Variants in PCDHA9 observed in about 807,000 individuals in gnomAD.
PCDHA9 encodes the protein protocadherin alpha-9.
A neutral mutation model predicts 62.0 loss-of-function variants in PCDHA9; 62 were observed. The observed-to-expected ratio is 1.00, with a 90% CI of 0.81 to 1.23. The LOEUF (loss-of-function observed/expected upper bound fraction) is 1.23. Among genes scored for constraint, PCDHA9 ranks in the 50% most tolerant of loss-of-function variants. The pLI, the probability that PCDHA9 is intolerant of heterozygous loss-of-function variation, is 0.00. For synonymous variants in PCDHA9, 557 were observed against 567.6 expected (o/e 0.98, Z 0.27); for missense variants, 1,205 against 1,249.8 (o/e 0.96, Z 0.54).
chr5:140,870,305 A>G lies in PCDHA9; in HGVS notation c.2394+19416A>G, dbSNP rs201733980. 1.4e-4 allele frequency: 226 copies of G among 1,614,156 alleles called. No homozygotes were observed. In the African/African-American group the frequency reaches 2.3e-3, roughly 17 times the overall value. On this transcript the variant is annotated intron_variant, in intron 1 of 3. Transcript: ENST00000532602. ...CCCTTCAAGCTGGTGTCCACCTTCA[A>G]GAATTACTACTCGTTGGTGCTGGAC...
chr5:140,886,552 G>A (rs188986859), intron 1 of PCDHA9, among the ~76,000 whole-genome samples: 132 of 151,712 alleles, frequency 8.7e-4, no homozygotes, highest in Middle Eastern at 3.4e-3. Flanking sequence ...TCCCAGCTGG[G>A]CACGGTGGCT....
At chr5:140,884,066 G>A in intron 1 of PCDHA9, 1 of 1,613,512 alleles carries the variant, frequency 6.2e-7, no homozygotes, top group South Asian at 1.1e-5. Flanking sequence ...GGTGGACGCC[G>A]ATTCGGGCTA....
intron 1 of PCDHA9, among the ~76,000 whole-genome samples, chr5:140,924,926 TAAAATAAAATAAAAA>T (rs1425116753): frequency 8.4e-6 from 1 of 119,430 alleles, no homozygotes; most frequent in Non-Finnish European, 1.8e-5. Flanking sequence ...TAAAATAAAA[TAAAATAAAATAAAAA>T]GTTAAAAAAA....
chr5:140,884,484 T>C, intron 1 of PCDHA9: 2 of 1,613,922 alleles, frequency 1.2e-6, no homozygotes, highest in Non-Finnish European at 1.7e-6. Context: ...AAGCCCACTC[T>C]AGTGTGCTCC....
chr5:140,994,988 A>G (rs781915746), intron 3 of PCDHA9, among the ~76,000 whole-genome samples: 3 of 152,166 alleles, frequency 2.0e-5, no homozygotes, highest in Non-Finnish European at 4.4e-5. Flanking sequence ...ACCCACTAGA[A>G]GGTTAGTTGG....
At chr5:140,946,019 C>T (rs1014072062) in intron 1 of PCDHA9, among the ~76,000 whole-genome samples, 2 of 151,732 alleles carry the variant, frequency 1.3e-5, no homozygotes, top group African/African-American at 2.4e-5. Context: ...TCCTGCGCAG[C>T]AAAGAAAACA....
At chr5:140,931,405 G>C (rs1395168165) in intron 1 of PCDHA9, among the ~76,000 whole-genome samples, 1 of 151,984 alleles carries the variant, frequency 6.6e-6, no homozygotes, top group South Asian at 2.1e-4. Flanking sequence ...CGATAGGAAG[G>C]CTGATGAATC....
At chr5:140,910,619 C>T (rs1554194336) in intron 1 of PCDHA9, among the ~76,000 whole-genome samples, 1 of 152,226 alleles carries the variant, frequency 6.6e-6, no homozygotes, top group Non-Finnish European at 1.5e-5. Context: ...TAATCCACTC[C>T]ACCATCCCAA....
intron 1 of PCDHA9, among the ~76,000 whole-genome samples, chr5:140,941,214 C>CCTTTCTTTCTTCCTTTCTTTCTTTCTTT (rs2092876516): frequency 4.1e-5 from 5 of 122,412 alleles, no homozygotes; most frequent in Non-Finnish European, 8.5e-5. Flanking sequence ...TTTCTTTCTT[C>CCTTTCTTTCTTCCTTTCTTTCTTTCTTT]CTTTCTTTCT....
At chr5:140,875,978 C>T (rs534648937) in intron 1 of PCDHA9, 2 of 1,613,976 alleles carry the variant, frequency 1.2e-6, no homozygotes, top group East Asian at 4.5e-5. Flanking sequence ...TCTCTTTTGA[C>T]CTATGCGTTA....
At position 140,869,552 on chromosome 5, in the gene PCDHA9, C is replaced by T. The variant is rs537127263; in HGVS notation, c.2394+18663C>T. ...ATTGCGGAATCTAAGCAATCGGACTCGCGTTTTCCACTAGAGGGAGCTTCT... is the reference window on the plus strand; with the variant it reads ...ATTGCGGAATCTAAGCAATCGGACTTGCGTTTTCCACTAGAGGGAGCTTCT... On this transcript the variant is annotated intron_variant, in intron 1 of 3. Transcript: ENST00000532602. 4 of 1,614,140 alleles carry T rather than the reference C, an allele frequency of 2.5e-6. No homozygotes were observed. In the East Asian group the frequency reaches 6.7e-5, roughly 27 times the overall value.
intron 1 of PCDHA9, among the ~76,000 whole-genome samples, chr5:140,973,451 G>A (rs1317548382): frequency 2.0e-5 from 3 of 152,172 alleles, no homozygotes; most frequent in African/African-American, 7.2e-5. Context: ...TATAATGACT[G>A]GGGCTGTTTT....
chr5:140,919,306 A>G (rs1407810868), intron 1 of PCDHA9, among the ~76,000 whole-genome samples: 1 of 152,150 alleles, frequency 6.6e-6, no homozygotes. Context: ...TGTACAATAT[A>G]TGTTTTCCCA....
chr5:140,896,406 C>CT (rs35238776), intron 1 of PCDHA9, among the ~76,000 whole-genome samples: 1 of 152,100 alleles, frequency 6.6e-6, no homozygotes, highest in Non-Finnish European at 1.5e-5. Flanking sequence ...TTATTTTTGA[C>CT]TTTTTAGTAA....
chr5:140,877,172 C>T, intron 1 of PCDHA9: 2 of 1,613,816 alleles, frequency 1.2e-6, no homozygotes, highest in Non-Finnish European at 1.7e-6. Flanking sequence ...GCACTGCTGG[C>T]GACTCCGGCT....
At chr5:140,877,594 T>G (rs782719581) in intron 1 of PCDHA9, 110 of 1,613,680 alleles carry the variant, frequency 6.8e-5, no homozygotes, top group Non-Finnish European at 9.3e-5. Context: ...CTGTGCGGTG[T>G]CCAGCCTGCT....
rs1340141507 is a variant in PCDHA9, at chr5:140,939,833, CTTG to C, written c.2395-39108_2395-39106del. 2.6e-5 allele frequency among the ~76,000 whole-genome samples: 4 copies of C among 152,224 alleles called. No individual in the cohort carries two copies. The East Asian group carries it at 7.7e-4, about 29-fold the overall frequency. ...AAGAAAAAGCAGTATTCTGACATTG[CTTG>C]TTGTTGTGTTCTGTATATGTCCATT... On this transcript the variant is annotated intron_variant, in intron 1 of 3. Transcript: ENST00000532602.
chr5:140,889,434 G>T (rs1349291699), intron 1 of PCDHA9, among the ~76,000 whole-genome samples: 1 of 151,774 alleles, frequency 6.6e-6, no homozygotes, highest in African/African-American at 2.4e-5. Context: ...ATTTTTTCAG[G>T]TATTTTCCTG....
chr5:140,879,787 T>C (rs1409881516), intron 1 of PCDHA9, among the ~76,000 whole-genome samples: 2 of 152,204 alleles, frequency 1.3e-5, no homozygotes. Flanking sequence ...AATCTGGTTT[T>C]TGTTTCTTCC....
Sources: gnomAD v4.1 joint callset for allele counts (sites outside exome capture counted in the v4.1 genomes callset) on GRCh38, gnomAD v4.1.1 for gene constraint, MANE v1.5 for transcripts, NCBI Gene and HGNC (gene_info 2026-07-23, HGNC 2026-07-21) for gene names.